Variants in JADE2 observed in about 807,000 individuals in gnomAD.
The protein encoded by JADE2 is E3 ubiquitin-protein ligase Jade-2.
JADE2 carries 13 observed loss-of-function variants against 85.7 expected under a neutral mutation model. That is an observed-to-expected ratio of 0.15 (90% confidence interval 0.10 to 0.24). The LOEUF (loss-of-function observed/expected upper bound fraction) is 0.24, where lower values mean the gene tolerates loss of function less well. Among genes scored for constraint, JADE2 ranks in the 10% least tolerant of loss-of-function variants. The pLI is 1.00. For synonymous variants in JADE2, 440 were observed against 456.1 expected, an observed-to-expected ratio of 0.96 and a Z score of 0.45; for missense variants, 846 against 1,115.9, an observed-to-expected ratio of 0.76 and a Z score of 3.45.
intron 9 of JADE2, among the ~76,000 whole-genome samples, chr5:134,569,429 C>T (rs1763854006): frequency 1.3e-5 from 2 of 152,218 alleles, no homozygotes; most frequent in Non-Finnish European, 2.9e-5. Flanking sequence ...CCTAAAATTT[C>T]AGCCTTGGGC....
chr5:134,573,838 T>C lies in JADE2; in HGVS notation c.1552+76T>C, dbSNP rs1764193920. The C allele has an allele frequency of 3.2e-6, 3 of 939,218 alleles. No individual in the cohort carries two copies. The South Asian group carries it at 3.9e-5, about 12-fold the overall frequency. 58.2% of individuals were successfully genotyped at this position (939,218 alleles called of 1,614,324 possible). ...GGGGCTGGGTCCCAAGGAGGGTGTG[T>C]CTTTGGATCCTGGTGGGGGTATGTG... is the stretch of plus-strand genomic sequence containing the variant. On this transcript the variant is annotated intron_variant, in intron 10 of 11. Coordinates refer to ENST00000681547, the MANE Select transcript of JADE2 (RefSeq NM_001388185.1).
chr5:134,539,602 G>T (rs149017324), intron 3 of JADE2, among the ~76,000 whole-genome samples: 46 of 152,354 alleles, frequency 3.0e-4, no homozygotes, highest in African/African-American at 1.1e-3. Context: ...GAATTTCTCA[G>T]TCCTGTTGAA....
In JADE2 at chr5:134,576,838, C is replaced by T. The variant is rs1764397738; in HGVS notation, c.1623C>T (p.Gly541=). 6.5e-7 allele frequency: 1 copy of T among 1,550,350 alleles called. No homozygotes were observed. Residue 541 remains glycine (G), a synonymous_variant, in exon 11 of 12, where the codon GGC becomes GGT. Transcript: ENST00000681547. ...GGAAGGGCTGCGAGGGCTCCAAGGGCAGCACTGAGAAGAAAGAGAAAGTGA... is the reference window on the plus strand; with the variant it reads ...GGAAGGGCTGCGAGGGCTCCAAGGGTAGCACTGAGAAGAAAGAGAAAGTGA... The part of the protein sequence containing the change: ...SKRKGCEGSK[G]STEKKEKVKA...
rs751932407 is a variant in JADE2, at chr5:134,583,118, T to A, written c.*3801T>A. ...AGTTCCCAGCCCCATCCTGTCCTGC[T>A]CACTCATGGGGGCTTCCAGACCCCG... On this transcript the variant is annotated 3_prime_UTR_variant, in exon 12 of 12. Coordinates refer to ENST00000681547, the MANE Select transcript of JADE2 (RefSeq NM_001388185.1). 6.5e-6 allele frequency: 1 copy of A among 152,696 alleles called. No individual in the cohort carries two copies. Among genetic ancestry groups the A allele is most frequent in the Non-Finnish European group, 1.5e-5 (1 of 68,086 alleles). 9.5% of individuals were successfully genotyped at this position (152,696 alleles called of 1,614,324 possible).
intron 3 of JADE2, among the ~76,000 whole-genome samples, chr5:134,540,896 C>T (rs939613200): frequency 6.6e-6 from 1 of 152,250 alleles, no homozygotes; most frequent in African/African-American, 2.4e-5. Context: ...TGGGAGGAAA[C>T]AGGTGTCAGC....
Position 134,566,929 on chromosome 5 carries a change from C to T in JADE2, c.1434+349C>T, listed in dbSNP as rs1663669699. ...GACCTAGGCTTCTGGCACTTGCTTG[C>T]CTCTGTGGGCCCCGCCTGGTCCTAA... On this transcript the variant is annotated intron_variant, in intron 9 of 11. Transcript: ENST00000681547. The surrounding 1 kb of genome is among the most constrained non-coding windows in gnomAD (Gnocchi z 6.7). 6.6e-6 allele frequency among the ~76,000 whole-genome samples: 1 copy of T among 152,208 alleles called. No individual in the cohort carries two copies. The highest frequency in any genetic ancestry group is 2.4e-5 in the African/African-American group (1 of 41,454).
At chr5:134,569,061 C>T (rs1763831177) in intron 9 of JADE2, among the ~76,000 whole-genome samples, 1 of 152,244 alleles carries the variant, frequency 6.6e-6, no homozygotes, top group Non-Finnish European at 1.5e-5. Context: ...GTTTCTACTT[C>T]TCTGAGTTTC....
chr5:134,542,566 A>G (rs1180904282), intron 3 of JADE2, among the ~76,000 whole-genome samples: 2 of 144,312 alleles, frequency 1.4e-5, no homozygotes, highest in African/African-American at 5.2e-5. Flanking sequence ...CTCAGCCTCT[A>G]GAGTAGCTGG....
chr5:134,576,263 T>C (rs1171802966), intron 10 of JADE2, among the ~76,000 whole-genome samples: 1 of 151,930 alleles, frequency 6.6e-6, no homozygotes, highest in East Asian at 1.9e-4. Flanking sequence ...GGGCCAGGGG[T>C]GCACCCTGAA....
chr5:134,567,723 C>T (rs1484886130), intron 9 of JADE2, among the ~76,000 whole-genome samples: 2 of 152,184 alleles, frequency 1.3e-5, no homozygotes, highest in East Asian at 3.8e-4. Flanking sequence ...GCACTGGACC[C>T]AGCTTCCCCA....
chr5:134,552,236 G>T (rs371083719), intron 4 of JADE2, 27 bp downstream of exon 4: 17 of 1,603,628 alleles, frequency 1.1e-5, no homozygotes, highest in Non-Finnish European at 1.4e-5. Flanking sequence ...AGGCTAGGGG[G>T]CCATTGGGAC....
At chr5:134,575,320 C>G (rs1415388201) in intron 10 of JADE2, 2 of 152,228 alleles carry the variant, frequency 1.3e-5, no homozygotes, top group Non-Finnish European at 2.9e-5. Context: ...GACAAAGCCT[C>G]CTAGTGGAGA....
intron 2 of JADE2, 62 bp from the exon 3 acceptor site, chr5:134,537,927 G>A (rs1384109320): frequency 8.2e-7 from 1 of 1,221,516 alleles, no homozygotes; most frequent in Non-Finnish European, 1.2e-6. Flanking sequence ...CCTATTCTTG[G>A]GCATGAGTGG....
chr5:134,525,715 C>G lies in JADE2; in HGVS notation c.-297C>G, dbSNP rs1049621444. On this transcript the variant is annotated 5_prime_UTR_variant, in exon 1 of 12. It adds an upstream start codon to the 5' untranslated region. Transcript: ENST00000681547. ...GGTGAATGGTGCCGACCGCGGCCAT[C>G]GCAGTTGGAGGCTATTTTTTGGGGG... 6.5e-6 allele frequency: 8 copies of G among 1,234,706 alleles called. No individual in the cohort carries two copies. Among genetic ancestry groups the G allele is most frequent in the Non-Finnish European group, 8.3e-6 (8 of 965,976 alleles). 76.5% of individuals were successfully genotyped at this position (1,234,706 alleles called of 1,614,324 possible).
At chr5:134,561,564 C>G (rs567351894) in intron 6 of JADE2, among the ~76,000 whole-genome samples, 37 of 150,186 alleles carry the variant, frequency 2.5e-4, no homozygotes, top group African/African-American at 8.0e-4. Flanking sequence ...TATCTCTGGG[C>G]CTTGACTGCA....
intron 4 of JADE2, among the ~76,000 whole-genome samples, chr5:134,559,196 C>T (rs531896656): frequency 1.1e-4 from 16 of 152,264 alleles, no homozygotes; most frequent in African/African-American, 3.1e-4. Flanking sequence ...CACCCTGGGC[C>T]GCAGCCGTGT....
intron 1 of JADE2, among the ~76,000 whole-genome samples, chr5:134,529,144 C>T (rs1247586758): frequency 6.6e-6 from 1 of 152,194 alleles, no homozygotes; most frequent in East Asian, 1.9e-4. Flanking sequence ...AGGTAAGAGG[C>T]TTCTAGTCCA....
chr5:134,530,021 C>G (rs1187504639), intron 1 of JADE2, among the ~76,000 whole-genome samples: 1 of 152,252 alleles, frequency 6.6e-6, no homozygotes, highest in Non-Finnish European at 1.5e-5. Context: ...CTTGGAGAAG[C>G]AGGTCCAGGA....
intron 1 of JADE2, among the ~76,000 whole-genome samples, chr5:134,534,339 G>T (rs186376168): frequency 6.6e-6 from 1 of 152,132 alleles, no homozygotes; most frequent in East Asian, 1.9e-4. Context: ...AGCCATCCTT[G>T]TTCCTGCGTT....
Sources: allele counts gnomAD v4.1 joint callset (sites outside exome capture counted in the v4.1 genomes callset), GRCh38; gene constraint gnomAD v4.1.1; non-coding constraint Gnocchi (gnomAD v3.1); transcripts MANE v1.5; gene names NCBI Gene and HGNC (gene_info 2026-07-23, HGNC 2026-07-21).